OXSR1: variants seen among roughly 807,000 people sequenced by gnomAD.
OXSR1 encodes oxidative stress responsive kinase 1.
In OXSR1, 24 loss-of-function variants were observed where a neutral mutation model predicts 79.8. The ratio of observed to expected loss-of-function variants is 0.30; its 90% CI spans 0.22 to 0.42. The LOEUF (loss-of-function observed/expected upper bound fraction) is 0.42. Ranked by LOEUF, OXSR1 falls within the 10% of genes least tolerant of loss-of-function variation. The pLI is 1.00. For synonymous variants in OXSR1, 226 were observed against 209.2 expected (o/e 1.08, Z -0.69); for missense variants, 430 against 618.4 (o/e 0.70, Z 3.23).
intron 8 of OXSR1, 58 bp from the exon 9 acceptor site, chr3:38,229,629 C>G (rs1455412753): frequency 3.5e-6 from 5 of 1,421,020 alleles, no homozygotes; most frequent in Non-Finnish European, 2.0e-6. Flanking sequence ...ATGATGGAAT[C>G]TGACATTACA....
At chr3:38,200,019 G>C (rs1702134591) in intron 4 of OXSR1, among the ~76,000 whole-genome samples, 2 of 152,192 alleles carry the variant, frequency 1.3e-5, no homozygotes, top group South Asian at 2.1e-4. Flanking sequence ...TTGCTGCTGG[G>C]TGGAGGGCTA....
At chr3:38,184,717 T>G (rs1405494148) in intron 2 of OXSR1, among the ~76,000 whole-genome samples, 3 of 152,064 alleles carry the variant, frequency 2.0e-5, no homozygotes, top group African/African-American at 7.2e-5. Context: ...TCAGTGTACT[T>G]TAACCTCACA....
chr3:38,247,770 C>A, intron 14 of OXSR1, 38 bp downstream of exon 14: 2 of 1,343,540 alleles, frequency 1.5e-6, no homozygotes, highest in South Asian at 1.2e-5. Context: ...CTTTTGTTTT[C>A]TGAATATTCT....
chr3:38,224,043 C>T (rs1161874981), intron 7 of OXSR1, 130 bp downstream of exon 7: 3 of 575,828 alleles, frequency 5.2e-6, no homozygotes, highest in South Asian at 4.9e-5. Flanking sequence ...TCATCTTTAA[C>T]CATTTTGAAT....
chr3:38,188,905 C>T (rs1223039070), intron 2 of OXSR1, among the ~76,000 whole-genome samples: 2 of 152,126 alleles, frequency 1.3e-5, no homozygotes, highest in Non-Finnish European at 1.5e-5. Context: ...ATTTGTCTAA[C>T]TTCTTTACCA....
At chr3:38,169,875 A>G (rs1363225856) in intron 1 of OXSR1, among the ~76,000 whole-genome samples, 2 of 151,602 alleles carry the variant, frequency 1.3e-5, no homozygotes, top group Non-Finnish European at 2.9e-5. Context: ...GACTACAGGT[A>G]CATGCCACCA....
At chr3:38,199,986 A>C (rs1702134007) in intron 4 of OXSR1, among the ~76,000 whole-genome samples, 1 of 152,078 alleles carries the variant, frequency 6.6e-6, no homozygotes, top group Admixed American at 6.5e-5. Context: ...GGGAGTGGGG[A>C]AACACTGGAC....
intron 2 of OXSR1, 124 bp from the exon 3 acceptor site, chr3:38,190,607 A>G (rs560625390): frequency 2.4e-4 from 148 of 614,980 alleles, no homozygotes; most frequent in Non-Finnish European, 3.6e-4. Context: ...TGAAGAAATC[A>G]GAGCCATGGA....
chr3:38,196,124 A>G (rs190494072), intron 3 of OXSR1, among the ~76,000 whole-genome samples: 154 of 152,328 alleles, frequency 1.0e-3, no homozygotes, highest in Non-Finnish European at 2.0e-3. Context: ...GTTTGAGAAC[A>G]GATTATCCCT....
At chr3:38,182,903 C>A in intron 1 of OXSR1, 100 bp from the exon 2 acceptor site, 1 of 636,014 alleles carries the variant, frequency 1.6e-6, no homozygotes, top group Non-Finnish European at 2.7e-6. Flanking sequence ...GCTGTAGGAA[C>A]AAGATAAGGA....
Position 38,244,670 on chromosome 3 carries a change from T to TGTGTGTGTGTGTGCGCGCAC in OXSR1, c.1111-1404_1111-1403insTGTGTGTGTGTGCGCGCACG, listed in dbSNP as rs1491372358. Reference sequence around the variant, plus strand: ...GTGTGTGTGTGTGTGTGTGTGTGCGTGCGCATGTACCACATTTTATTCATC... The same window carrying TGTGTGTGTGTGTGCGCGCAC: ...GTGTGTGTGTGTGTGTGTGTGTGCGTGTGTGTGTGTGTGCGCGCACGCGCATGTACCACATTTTATTCATC... On this transcript the variant is annotated intron_variant, in intron 12 of 17. Coordinates refer to ENST00000311806, the MANE Select transcript of OXSR1 (RefSeq NM_005109.3). Among the ~76,000 whole-genome samples, 11 of 149,734 alleles carry TGTGTGTGTGTGTGCGCGCAC rather than the reference T, an allele frequency of 7.3e-5. No homozygotes were observed. The South Asian group carries it at 2.3e-3, about 31-fold the overall frequency.
In OXSR1 at chr3:38,230,441, A is replaced by G; in HGVS notation, c.951+11A>G. On this transcript the variant is annotated intron_variant, in intron 10 of 17. Transcript: ENST00000311806. ...GAAAGAGCAAAAAAGGTAAATCAGA[A>G]TTTAACTCAGTTTTCCTGAAGAATT... The G allele has an allele frequency of 6.4e-7, 1 of 1,567,288 alleles. No individual in the cohort carries two copies. Among genetic ancestry groups the G allele is most frequent in the South Asian group, 1.1e-5 (1 of 89,890 alleles).
chr3:38,183,518 T>G (rs1404419600), intron 2 of OXSR1, among the ~76,000 whole-genome samples: 1 of 152,248 alleles, frequency 6.6e-6, no homozygotes, highest in Middle Eastern at 3.2e-3. Context: ...ATTTGCTAAT[T>G]ACTTTGTTTC....
chr3:38,171,065 C>G (rs891144306), intron 1 of OXSR1, among the ~76,000 whole-genome samples: 1 of 152,168 alleles, frequency 6.6e-6, no homozygotes, highest in Non-Finnish European at 1.5e-5. Flanking sequence ...GTATGAAGCA[C>G]TGTGCCTGGC....
intron 16 of OXSR1, 73 bp from the exon 17 acceptor site, chr3:38,252,255 G>T (rs937901333): frequency 1.9e-6 from 2 of 1,036,432 alleles, no homozygotes; most frequent in Non-Finnish European, 3.1e-6. Context: ...TACCATTTAA[G>T]CTTTTAAAAT....
At chr3:38,238,447 C>A (rs1702963290) in intron 11 of OXSR1, among the ~76,000 whole-genome samples, 1 of 152,012 alleles carries the variant, frequency 6.6e-6, no homozygotes, top group African/African-American at 2.4e-5. Context: ...TTATGTAGAT[C>A]CAGATTTCCA....
At chr3:38,193,107 T>C (rs1702012358) in intron 3 of OXSR1, among the ~76,000 whole-genome samples, 1 of 152,230 alleles carries the variant, frequency 6.6e-6, no homozygotes, top group African/African-American at 2.4e-5. Flanking sequence ...GGGGTTACCT[T>C]TCTGCATTTC....
intron 9 of OXSR1, among the ~76,000 whole-genome samples, 175 bp from the exon 10 acceptor site, chr3:38,230,190 G>T (rs1702775759): frequency 1.3e-5 from 2 of 152,122 alleles, no homozygotes; most frequent in Non-Finnish European, 2.9e-5. Flanking sequence ...CTCAATTTAT[G>T]AAACTGTGGT....
At chr3:38,212,970 C>T (rs546880163) in intron 4 of OXSR1, among the ~76,000 whole-genome samples, 2 of 152,282 alleles carry the variant, frequency 1.3e-5, no homozygotes, top group South Asian at 2.1e-4. Context: ...TCTGCTTTTA[C>T]TCCTGGAAGC....
Sources: allele counts gnomAD v4.1 joint callset (sites outside exome capture counted in the v4.1 genomes callset), GRCh38; gene constraint gnomAD v4.1.1; transcripts MANE v1.5; gene names NCBI Gene and HGNC (gene_info 2026-07-23, HGNC 2026-07-21).